The following PRKCH variants were observed in gnomAD, a reference collection of about 807,000 sequenced individuals.
PRKCH encodes protein kinase C eta, also known as protein kinase C eta type.
A neutral mutation model predicts 82.5 loss-of-function variants in PRKCH; 28 were observed. That is an observed-to-expected ratio of 0.34 (90% CI 0.25 to 0.47). The LOEUF (loss-of-function observed/expected upper bound fraction) is 0.47. Among genes scored for constraint, PRKCH ranks in the 20% least tolerant of loss-of-function variants. The pLI is 1.00. For missense variants in PRKCH, 705 were observed against 881.8 expected (o/e 0.80, Z 2.54); for synonymous variants, 322 against 327.4 (o/e 0.98, Z 0.18).
chr14:61,428,157 A>G (rs956936303), intron 2 of PRKCH, among the ~76,000 whole-genome samples: 5 of 148,386 alleles, frequency 3.4e-5, no homozygotes, highest in African/African-American at 1.3e-4. Flanking sequence ...GCTATACCAG[A>G]GTCAGGTTGA....
intron 12 of PRKCH, among the ~76,000 whole-genome samples, 176 bp from the exon 13 acceptor site, chr14:61,547,567 G>C (rs201495317): frequency 2.6e-5 from 4 of 152,192 alleles, no homozygotes; most frequent in African/African-American, 9.7e-5. Context: ...AGGCAATCGC[G>C]CCTTTAAGGC....
intron 6 of PRKCH, among the ~76,000 whole-genome samples, chr14:61,451,935 C>T (rs1223145438): frequency 6.6e-6 from 1 of 152,184 alleles, no homozygotes; most frequent in Non-Finnish European, 1.5e-5. Flanking sequence ...CTCATAAAAC[C>T]AAAACAGTAG....
At chr14:61,490,750 TA>T (rs1001695608) in intron 10 of PRKCH, among the ~76,000 whole-genome samples, 2 of 151,962 alleles carry the variant, frequency 1.3e-5, no homozygotes, top group Non-Finnish European at 2.9e-5. Context: ...CCTGTCTCTA[TA>T]AAAAATACAA....
intron 2 of PRKCH, among the ~76,000 whole-genome samples, chr14:61,409,321 A>T (rs1882134795): frequency 6.6e-6 from 1 of 152,096 alleles, no homozygotes; most frequent in South Asian, 2.1e-4. Context: ...GCTCTTTGGG[A>T]TATGTTTGAA....
At chr14:61,235,444 T>C (rs2044779822) in intron 1 of PRKCH, among the ~76,000 whole-genome samples, 1 of 152,248 alleles carries the variant, frequency 6.6e-6, no homozygotes, top group South Asian at 2.1e-4. Context: ...GTGTTTCATT[T>C]AGGACTATCA....
At chr14:61,218,387 C>G (rs1279547864) in intron 1 of PRKCH, among the ~76,000 whole-genome samples, 2 of 152,198 alleles carry the variant, frequency 1.3e-5, no homozygotes, top group South Asian at 4.1e-4. Context: ...TGAGCTACCC[C>G]CTTTCTCACC....
intron 1 of PRKCH, among the ~76,000 whole-genome samples, chr14:61,225,633 TTA>T (rs1484170276): frequency 6.6e-6 from 1 of 152,260 alleles, no homozygotes; most frequent in African/African-American, 2.4e-5. Context: ...GTCTGCTCTG[TTA>T]TTGCAGCAGT....
At chr14:61,507,450 T>C (rs533316930) in intron 10 of PRKCH, among the ~76,000 whole-genome samples, 2 of 152,276 alleles carry the variant, frequency 1.3e-5, no homozygotes, top group South Asian at 4.1e-4. Context: ...ACCAAAGGAA[T>C]TGGAATCTGG....
At chr14:61,209,685 G>T (rs956957029) in intron 1 of PRKCH, among the ~76,000 whole-genome samples, 3 of 152,022 alleles carry the variant, frequency 2.0e-5, no homozygotes, top group African/African-American at 7.2e-5. Context: ...TTTTCTTTTA[G>T]ATGCAGGGGA....
At chr14:61,277,209 AT>A (rs1225232148) in intron 1 of PRKCH, among the ~76,000 whole-genome samples, 1 of 152,198 alleles carries the variant, frequency 6.6e-6, no homozygotes, top group Non-Finnish European at 1.5e-5. Context: ...CTCAAAAAAA[AT>A]AATAATAACA....
chr14:61,252,769 C>G (rs2140074046), intron 1 of PRKCH, among the ~76,000 whole-genome samples: 1 of 152,342 alleles, frequency 6.6e-6, no homozygotes, highest in South Asian at 2.1e-4. Flanking sequence ...TGTTCAAACA[C>G]AGTCATTATT....
At chr14:61,507,926 G>A (rs1207135316) in intron 10 of PRKCH, among the ~76,000 whole-genome samples, 2 of 151,978 alleles carry the variant, frequency 1.3e-5, no homozygotes, top group South Asian at 4.2e-4. Context: ...CATCTTAAGT[G>A]CTCTTATCAC....
chr14:61,311,990 A>G (rs1326246728), intron 1 of PRKCH, among the ~76,000 whole-genome samples: 2 of 152,198 alleles, frequency 1.3e-5, no homozygotes, highest in East Asian at 1.9e-4. Context: ...AACTGCCCCT[A>G]TGATCCAGGG....
At chr14:61,507,291 T>G (rs986138710) in intron 10 of PRKCH, among the ~76,000 whole-genome samples, 2 of 152,150 alleles carry the variant, frequency 1.3e-5, no homozygotes, top group Non-Finnish European at 2.9e-5. Context: ...GGACAAGTGT[T>G]GGCAAGGGTG....
At position 61,443,248 on chromosome 14, in the gene PRKCH, A is replaced by G; in HGVS notation, c.565A>G (p.Arg189Gly). Residue 189 changes from arginine (R) to glycine (G), a missense_variant, in exon 3 of 14, where the codon AGG (arginine) becomes GGG (glycine). Physicochemically the swap from Arg to Gly is moderately radical, Grantham distance 125 (BLOSUM62 -2). Around this residue, in one of 5 missense-constraint regions of PRKCH, gnomAD observed 246 missense variants for 308.0 expected, o/e 0.80. Coordinates refer to ENST00000332981, the MANE Select transcript of PRKCH (RefSeq NM_006255.5). ...GCAGCCCACCTACTGCTCTCACTGC[A>G]GGGAGTTTATCTGGTAAGGGGTTCC... ...LRQPTYCSHC[R>G]EFIWGVFGKQ... The G allele has an allele frequency of 6.2e-7, 1 of 1,613,984 alleles. No individual in the cohort carries two copies. Among genetic ancestry groups the G allele is most frequent in the Middle Eastern group, 1.7e-4 (1 of 6,056 alleles).
intron 2 of PRKCH, among the ~76,000 whole-genome samples, chr14:61,415,008 C>T (rs1003351958): frequency 2.0e-5 from 3 of 152,124 alleles, no homozygotes; most frequent in African/African-American, 7.2e-5. Flanking sequence ...GGGACACTCT[C>T]AGTGGTTACC....
intron 10 of PRKCH, among the ~76,000 whole-genome samples, chr14:61,513,268 G>A (rs934965552): frequency 2.6e-5 from 4 of 152,208 alleles, no homozygotes; most frequent in Non-Finnish European, 5.9e-5. Flanking sequence ...AGTTCAGTTA[G>A]TACTTAATTG....
intron 10 of PRKCH, among the ~76,000 whole-genome samples, chr14:61,515,444 G>A (rs1375058916): frequency 6.6e-6 from 1 of 152,202 alleles, no homozygotes; most frequent in Non-Finnish European, 1.5e-5. Flanking sequence ...TGAACCGAAT[G>A]AACCTCAACT....
intron 1 of PRKCH, among the ~76,000 whole-genome samples, chr14:61,276,095 G>A (rs571520376): frequency 1.3e-5 from 2 of 152,172 alleles, no homozygotes; most frequent in South Asian, 2.1e-4. Context: ...AATTCCTGAC[G>A]AACTGCTGCT....
Sources: allele counts gnomAD v4.1 joint callset (sites outside exome capture counted in the v4.1 genomes callset), GRCh38; gene constraint gnomAD v4.1.1; regional missense constraint gnomAD v4.1.1; transcripts MANE v1.5; gene names NCBI Gene and HGNC (gene_info 2026-07-23, HGNC 2026-07-21).